The following ITGAE variants were observed in gnomAD, a reference collection of about 807,000 sequenced individuals.
ITGAE encodes integrin subunit alpha E, also known as integrin alpha-E.
In ITGAE, 99 loss-of-function variants were observed where a neutral mutation model predicts 136.5. That is an observed-to-expected ratio of 0.73 (90% CI 0.62 to 0.86). The LOEUF (loss-of-function observed/expected upper bound fraction) is 0.86, where lower values mean the gene tolerates loss of function less well. ITGAE is among the 40% of genes least tolerant of loss of function. The probability of loss-of-function intolerance (pLI) is 0.00; values close to 1 mark genes in which losing one functional copy is unlikely to be tolerated. For synonymous variants in ITGAE, 613 were observed against 591.8 expected, an observed-to-expected ratio of 1.04 and a Z score of -0.52; for missense variants, 1,447 against 1,515.3, an observed-to-expected ratio of 0.95 and a Z score of 0.75.
chr17:3,746,320 G>C (rs1021088782), intron 17 of ITGAE, among the ~76,000 whole-genome samples: 3 of 152,174 alleles, frequency 2.0e-5, no homozygotes, highest in African/African-American at 7.2e-5. Context: ...GCACCGTGGA[G>C]ATCCCGGGGC....
chr17:3,752,042 G>C (rs1391027935), intron 14 of ITGAE, among the ~76,000 whole-genome samples, 168 bp from the exon 15 acceptor site: 1 of 151,408 alleles, frequency 6.6e-6, no homozygotes, highest in Admixed American at 6.6e-5. Flanking sequence ...CAGGATGCAC[G>C]CTCACTGGGC....
intron 19 of ITGAE, among the ~76,000 whole-genome samples, chr17:3,742,841 AG>A (rs930680841): frequency 3.9e-5 from 6 of 152,168 alleles, no homozygotes; most frequent in African/African-American, 1.4e-4. Flanking sequence ...TAGTAGAGAC[AG>A]GGTTTCACCA....
At chr17:3,771,555 G>C (rs1450447956) in intron 2 of ITGAE, among the ~76,000 whole-genome samples, 1 of 54,406 alleles carries the variant, frequency 1.8e-5, no homozygotes, top group African/African-American at 6.3e-5. Flanking sequence ...TTTTTTTTTT[G>C]GAGAGACAGA....
chr17:3,797,157 A>T (rs9901379), intron 1 of ITGAE, among the ~76,000 whole-genome samples: 1,199 of 94,266 alleles, frequency 0.013, 56 homozygotes, highest in South Asian at 0.027. Flanking sequence ...ATATATATAT[A>T]TTTTTTTTTT....
intron 1 of ITGAE, among the ~76,000 whole-genome samples, chr17:3,792,666 T>C (rs1454369952): frequency 6.6e-6 from 1 of 152,232 alleles, no homozygotes; most frequent in Non-Finnish European, 1.5e-5. Flanking sequence ...CTGTTGGCTC[T>C]GAACACAGCG....
rs575084341 is a variant in ITGAE at position 3,783,289 on chromosome 17, C to T, written c.35-5629G>A. The stretch of plus-strand genomic sequence containing the variant: ...CGGAGTAGCTGGGATTACAGGCGCC[C>T]GCCACCATGCCCAGCTAAGTTTTGT... On this transcript the variant is annotated intron_variant, in intron 1 of 30. Coordinates refer to ENST00000263087, the MANE Select transcript of ITGAE (RefSeq NM_002208.5). 9.6e-4 allele frequency among the ~76,000 whole-genome samples: 146 copies of T among 152,170 alleles called. 1 individual carries two copies. Among genetic ancestry groups the T allele is most frequent in the African/African-American group, 3.4e-3 (141 of 41,484 alleles).
At chr17:3,742,445 G>A (rs1281158542) in intron 19 of ITGAE, among the ~76,000 whole-genome samples, 2 of 141,814 alleles carry the variant, frequency 1.4e-5, no homozygotes, top group Non-Finnish European at 1.5e-5. Context: ...AATATATATT[G>A]AAGGTTTGTG....
intron 1 of ITGAE, among the ~76,000 whole-genome samples, chr17:3,793,198 G>A (rs967631783): frequency 1.3e-5 from 2 of 151,952 alleles, no homozygotes; most frequent in African/African-American, 4.8e-5. Context: ...GAAAACAGGT[G>A]CCCATCACCA....
chr17:3,728,522 G>A (rs1329015796), intron 24 of ITGAE: 2 of 192,382 alleles, frequency 1.0e-5, no homozygotes, highest in Admixed American at 5.5e-5. Context: ...ACAGGCGCCT[G>A]CCACCACACC....
chr17:3,797,223 T>C (rs1180045725), intron 1 of ITGAE, among the ~76,000 whole-genome samples: 1 of 142,378 alleles, frequency 7.0e-6, no homozygotes, highest in African/African-American at 2.6e-5. Flanking sequence ...TGGAGTGCAG[T>C]GGCGCAATCT....
At chr17:3,755,603 GTT>G (rs2052000547) in intron 11 of ITGAE, among the ~76,000 whole-genome samples, 10 of 152,228 alleles carry the variant, frequency 6.6e-5, no homozygotes, top group Admixed American at 6.5e-4. Flanking sequence ...CCACCCTTTT[GTT>G]GCAGTGAGCC....
At chr17:3,719,951 T>C (rs2436090) in intron 29 of ITGAE, among the ~76,000 whole-genome samples, 20,775 of 152,164 alleles carry the variant, frequency 0.14, 4,735 homozygotes, top group African/African-American at 0.47. Context: ...GTGTTGAACT[T>C]CTGACCTCAG....
chr17:3,797,016 G>C lies in ITGAE; in HGVS notation c.34+4095C>G, dbSNP rs535276856. Among the ~76,000 whole-genome samples, 7 of 151,736 alleles carry C rather than the reference G, an allele frequency of 4.6e-5. No individual in the cohort carries two copies. In the East Asian group the frequency reaches 5.8e-4, roughly 13 times the overall value. ...GTCCCCCCACCTCGATCTTCTACAC[G>C]GAGCCTCATCAACTCCACCCCAAAC... On this transcript the variant is annotated intron_variant, in intron 1 of 30. Coordinates refer to ENST00000263087, the MANE Select transcript of ITGAE (RefSeq NM_002208.5).
intron 1 of ITGAE, among the ~76,000 whole-genome samples, chr17:3,787,846 C>G (rs1009556109): frequency 1.3e-5 from 2 of 152,034 alleles, no homozygotes; most frequent in African/African-American, 4.8e-5. Context: ...CGCCACCACG[C>G]CCGGGTAATT....
At position 3,715,785 on chromosome 17, in the gene ITGAE, C is replaced by G. The variant is rs183821090; in HGVS notation, c.3445-843G>C. On this transcript the variant is annotated intron_variant, in intron 30 of 30. Coordinates refer to ENST00000263087, the MANE Select transcript of ITGAE (RefSeq NM_002208.5). ...ACTAAGATGGGAGGATCACCTGAGC[C>G]TAGGAGTACGAGGCTGCAGTGAGCC... is the stretch of plus-strand genomic sequence containing the variant. Among the ~76,000 whole-genome samples, 37 of 152,118 alleles carry G rather than the reference C, an allele frequency of 2.4e-4. 1 individual carries two copies. The highest frequency in any genetic ancestry group is 8.0e-4 in the African/African-American group (33 of 41,502).
At chr17:3,775,681 C>T (rs939654859) in intron 2 of ITGAE, among the ~76,000 whole-genome samples, 2 of 151,896 alleles carry the variant, frequency 1.3e-5, no homozygotes, top group Non-Finnish European at 2.9e-5. Context: ...GTTGGCCAGC[C>T]TAGGTCTCGA....
At chr17:3,727,742 T>C (rs1214240663) in intron 26 of ITGAE, among the ~76,000 whole-genome samples, 177 bp downstream of exon 26, 1 of 152,162 alleles carries the variant, frequency 6.6e-6, no homozygotes, top group Non-Finnish European at 1.5e-5. Context: ...ACTGACAGGT[T>C]GCTTTAAGAG....
At position 3,753,670 on chromosome 17, in the gene ITGAE, T is replaced by C. The variant is rs370943416; in HGVS notation, c.1527+113A>G. The stretch of plus-strand genomic sequence containing the variant: ...TCGAGCTCCACTCAGGAGCCTGAGT[T>C]TCACCCAGCCCGGGCCCTGGCCCAC... On this transcript the variant is annotated intron_variant, in intron 13 of 30. Coordinates refer to ENST00000263087, the MANE Select transcript of ITGAE (RefSeq NM_002208.5). 7 of 1,378,130 alleles carry C rather than the reference T, an allele frequency of 5.1e-6. No individual in the cohort carries two copies. The African/African-American group carries it at 8.7e-5, about 17-fold the overall frequency. 85.4% of individuals were successfully genotyped at this position (1,378,130 alleles called of 1,614,324 possible).
chr17:3,757,243 CT>C, intron 9 of ITGAE, 109 bp from the exon 10 acceptor site: 1 of 1,305,680 alleles, frequency 7.7e-7, no homozygotes, highest in Non-Finnish European at 1.1e-6. Context: ...TACCTGTCTC[CT>C]TCCTTCCTTT....
Sources: allele counts gnomAD v4.1 joint callset (sites outside exome capture counted in the v4.1 genomes callset), GRCh38; gene constraint gnomAD v4.1.1; transcripts MANE v1.5; gene names NCBI Gene and HGNC (gene_info 2026-07-23, HGNC 2026-07-21).